NEK1: variants seen among roughly 807,000 people sequenced by gnomAD.
NEK1 encodes serine/threonine-protein kinase Nek1.
In NEK1, 137 loss-of-function variants were observed where a neutral mutation model predicts 182.1. That is an observed-to-expected ratio of 0.75 (90% confidence interval 0.65 to 0.87). NEK1 has a LOEUF of 0.87. NEK1 is among the 40% of genes least tolerant of loss of function. The probability of loss-of-function intolerance (pLI) is 0.00; values close to 1 mark genes in which losing one functional copy is unlikely to be tolerated. For missense variants in NEK1, 1,391 were observed against 1,494.4 expected (o/e 0.93, Z 1.14); for synonymous variants, 513 against 492.2 (o/e 1.04, Z -0.56).
At chr4:169,528,702 T>C (rs1757250323) in intron 19 of NEK1, among the ~76,000 whole-genome samples, 1 of 152,210 alleles carries the variant, frequency 6.6e-6, no homozygotes, top group African/African-American at 2.4e-5. Context: ...ATTTGAAGAC[T>C]TCCTTAGTAT....
chr4:169,424,011 A>G (rs1011472888), intron 31 of NEK1, among the ~76,000 whole-genome samples: 2 of 152,216 alleles, frequency 1.3e-5, no homozygotes, highest in African/African-American at 4.8e-5. Flanking sequence ...AAGGTTATAT[A>G]AAGAGTAATA....
chr4:169,549,314 T>C (rs1388564554), intron 18 of NEK1, among the ~76,000 whole-genome samples: 2 of 152,178 alleles, frequency 1.3e-5, no homozygotes, highest in African/African-American at 4.8e-5. Flanking sequence ...TCCAATGAGA[T>C]GAACTGGGTA....
chr4:169,551,538 T>C (rs1028134356), intron 18 of NEK1, among the ~76,000 whole-genome samples: 5 of 152,210 alleles, frequency 3.3e-5, no homozygotes, highest in Non-Finnish European at 4.4e-5. Flanking sequence ...TATTAAAAAA[T>C]TGAAAACAAC....
intron 19 of NEK1, among the ~76,000 whole-genome samples, chr4:169,513,866 C>T (rs114673275): frequency 0.01 from 1,562 of 152,100 alleles, 16 homozygotes; most frequent in Middle Eastern, 0.041. Context: ...TATGGTGAAT[C>T]ACATTGATTT....
intron 19 of NEK1, among the ~76,000 whole-genome samples, chr4:169,509,126 CTTGTTTGT>C (rs138008268): frequency 6.6e-6 from 1 of 151,948 alleles, no homozygotes; most frequent in Admixed American, 6.6e-5. Flanking sequence ...TTTTTGTTTG[CTTGTTTGT>C]TTGTTTGTTT....
chr4:169,494,953 C>A (rs1026192763), intron 23 of NEK1, among the ~76,000 whole-genome samples: 4 of 151,830 alleles, frequency 2.6e-5, no homozygotes, highest in African/African-American at 9.7e-5. Flanking sequence ...TTGTTCTTTT[C>A]TTGTAAATTT....
At chr4:169,482,700 A>G (rs1158287439) in intron 23 of NEK1, among the ~76,000 whole-genome samples, 1 of 151,542 alleles carries the variant, frequency 6.6e-6, no homozygotes, top group Non-Finnish European at 1.5e-5. Context: ...ATGGGGTGCA[A>G]TGGCTCAGTG....
chr4:169,406,906 A>AT (rs1554022347), intron 31 of NEK1, among the ~76,000 whole-genome samples, 159 bp from the exon 32 acceptor site: 7 of 150,724 alleles, frequency 4.6e-5, no homozygotes, highest in African/African-American at 1.2e-4. Flanking sequence ...ACATATAAAA[A>AT]ATATATATAT....
At chr4:169,538,172 T>C (rs1391449291) in intron 18 of NEK1, among the ~76,000 whole-genome samples, 1 of 152,156 alleles carries the variant, frequency 6.6e-6, no homozygotes, top group Non-Finnish European at 1.5e-5. Flanking sequence ...TTTGATCTAT[T>C]CTACTTATTT....
intron 19 of NEK1, among the ~76,000 whole-genome samples, chr4:169,513,688 A>G (rs1754570919): frequency 6.6e-6 from 1 of 152,190 alleles, no homozygotes; most frequent in African/African-American, 2.4e-5. Flanking sequence ...ATAATATTAG[A>G]TGCAGGGTTT....
At chr4:169,577,590 C>T (rs908879106) in intron 11 of NEK1, among the ~76,000 whole-genome samples, 2 of 151,860 alleles carry the variant, frequency 1.3e-5, no homozygotes, top group African/African-American at 4.8e-5. Flanking sequence ...CCTGTCTCTA[C>T]TAAAAATACA....
chr4:169,547,063 T>C (rs1193057896), intron 18 of NEK1, among the ~76,000 whole-genome samples: 1 of 152,232 alleles, frequency 6.6e-6, no homozygotes, highest in Non-Finnish European at 1.5e-5. Context: ...AGTTTCTTCA[T>C]AGTATCTATG....
chr4:169,403,011 T>C (rs1216949324), intron 32 of NEK1, among the ~76,000 whole-genome samples: 1 of 152,196 alleles, frequency 6.6e-6, no homozygotes, highest in Non-Finnish European at 1.5e-5. Context: ...TTAAGGCCTT[T>C]CTAAAAGTTT....
intron 23 of NEK1, among the ~76,000 whole-genome samples, chr4:169,500,087 G>A (rs549986757): frequency 6.6e-6 from 1 of 152,140 alleles, no homozygotes. Flanking sequence ...ACCTACTCAA[G>A]CCTTGGCAAT....
chr4:169,450,267 C>G (rs1171185947), intron 27 of NEK1, among the ~76,000 whole-genome samples: 1 of 152,102 alleles, frequency 6.6e-6, no homozygotes, highest in African/African-American at 2.4e-5. Flanking sequence ...AGGATATTAT[C>G]CAGGAGAACT....
intron 29 of NEK1, among the ~76,000 whole-genome samples, chr4:169,430,494 A>AAAGGGGCCAATCT (rs1163794132): frequency 6.6e-6 from 1 of 152,182 alleles, no homozygotes; most frequent in East Asian, 1.9e-4. Context: ...CTGCTAAGCA[A>AAAGGGGCCAATCT]AAGGGGCCAA....
intron 23 of NEK1, among the ~76,000 whole-genome samples, chr4:169,482,849 C>A (rs1487880985): frequency 6.6e-6 from 1 of 152,100 alleles, no homozygotes; most frequent in Non-Finnish European, 1.5e-5. Flanking sequence ...GTTAGCCAGG[C>A]TGGTCTCAAA....
chr4:169,472,612 T>A (rs1325176480), intron 26 of NEK1, among the ~76,000 whole-genome samples: 2 of 152,226 alleles, frequency 1.3e-5, no homozygotes, highest in Non-Finnish European at 2.9e-5. Context: ...AACTTACTTG[T>A]ATCTTTCTAC....
intron 7 of NEK1, 73 bp downstream of exon 7, chr4:169,589,374 C>A: frequency 2.4e-6 from 2 of 837,376 alleles, no homozygotes; most frequent in South Asian, 3.2e-5. Flanking sequence ...CATAAATTAT[C>A]ACATATACAT....
Sources: allele counts gnomAD v4.1 joint callset (sites outside exome capture counted in the v4.1 genomes callset), GRCh38; gene constraint gnomAD v4.1.1; transcripts MANE v1.5; gene names NCBI Gene and HGNC (gene_info 2026-07-23, HGNC 2026-07-21).